THRB: variants seen among roughly 807,000 people sequenced by gnomAD.
The protein encoded by THRB is nuclear receptor subfamily 1 group A member 2.
In THRB, 12 loss-of-function variants were observed where a neutral mutation model predicts 47.8. That is an observed-to-expected ratio of 0.25 (90% CI 0.16 to 0.41). The LOEUF (loss-of-function observed/expected upper bound fraction) is 0.41. Among genes scored for constraint, THRB ranks in the 10% least tolerant of loss-of-function variants. The probability of loss-of-function intolerance (pLI) is 1.00; values close to 1 mark genes in which losing one functional copy is unlikely to be tolerated. For synonymous variants in THRB, 218 were observed against 212.2 expected, an observed-to-expected ratio of 1.03 and a Z score of -0.24; for missense variants, 348 against 589.2, an observed-to-expected ratio of 0.59 and a Z score of 4.24.
intron 1 of THRB, among the ~76,000 whole-genome samples, chr3:24,434,126 A>G (rs547070625): frequency 1.3e-5 from 2 of 152,284 alleles, no homozygotes; most frequent in South Asian, 4.1e-4. Flanking sequence ...TTAACCAGGC[A>G]GTCCTAATTC....
At chr3:24,206,857 A>T (rs1337690718) in intron 4 of THRB, among the ~76,000 whole-genome samples, 1 of 152,240 alleles carries the variant, frequency 6.6e-6, no homozygotes, top group African/African-American at 2.4e-5. Flanking sequence ...CCATCAGAGA[A>T]TACTATAAAA....
At chr3:24,284,508 G>T (rs1322524612) in intron 3 of THRB, among the ~76,000 whole-genome samples, 2 of 151,914 alleles carry the variant, frequency 1.3e-5, no homozygotes, top group East Asian at 3.8e-4. Flanking sequence ...TGCCATTCAG[G>T]ACATAGGCAT....
intron 1 of THRB, among the ~76,000 whole-genome samples, chr3:24,451,229 C>CTTTTT (rs71057674): frequency 5.2e-5 from 5 of 95,348 alleles, no homozygotes; most frequent in East Asian, 2.6e-4. Flanking sequence ...ACTACATGTA[C>CTTTTT]TTTTTTTTTT....
chr3:24,343,682 C>G (rs538476400), intron 1 of THRB, among the ~76,000 whole-genome samples: 2 of 152,094 alleles, frequency 1.3e-5, no homozygotes, highest in South Asian at 2.1e-4. Flanking sequence ...TCTTTCTTTA[C>G]TACTGAATCC....
chr3:24,250,400 C>A (rs989343389), intron 3 of THRB, among the ~76,000 whole-genome samples: 2 of 152,110 alleles, frequency 1.3e-5, no homozygotes, highest in African/African-American at 4.8e-5. Context: ...TAACATAGTA[C>A]TGAAATGTAT....
intron 1 of THRB, among the ~76,000 whole-genome samples, chr3:24,359,358 G>A (rs1269946137): frequency 6.6e-6 from 1 of 152,118 alleles, no homozygotes; most frequent in African/African-American, 2.4e-5. Flanking sequence ...GGAATTTTTA[G>A]ATGGTGACTG....
chr3:24,355,708 G>A (rs959017904), intron 1 of THRB, among the ~76,000 whole-genome samples: 3 of 152,128 alleles, frequency 2.0e-5, no homozygotes, highest in East Asian at 1.9e-4. Context: ...CGCCAAATGG[G>A]CAGTGAGGCT....
chr3:24,331,854 T>C (rs1270666939), intron 2 of THRB, among the ~76,000 whole-genome samples: 1 of 152,142 alleles, frequency 6.6e-6, no homozygotes, highest in Non-Finnish European at 1.5e-5. Flanking sequence ...CAAACTACAG[T>C]ACTCAAAACC....
At chr3:24,191,313 T>G (rs1271324274) in intron 4 of THRB, among the ~76,000 whole-genome samples, 1 of 151,960 alleles carries the variant, frequency 6.6e-6, no homozygotes, top group Non-Finnish European at 1.5e-5. Context: ...ATCCATCTGG[T>G]CATCCATATT....
At chr3:24,323,626 T>A (rs1435879743) in intron 2 of THRB, among the ~76,000 whole-genome samples, 8 of 152,200 alleles carry the variant, frequency 5.3e-5, no homozygotes, top group Admixed American at 4.6e-4. Flanking sequence ...AAACTTTCCA[T>A]GTTCATTGTT....
At chr3:24,223,123 G>A (rs887671486) in intron 4 of THRB, among the ~76,000 whole-genome samples, 8 of 152,174 alleles carry the variant, frequency 5.3e-5, no homozygotes, top group Admixed American at 3.3e-4. Flanking sequence ...CAGTCCTAAG[G>A]CCTGGGGATT....
chr3:24,487,031 A>G (rs1029510097), intron 1 of THRB, among the ~76,000 whole-genome samples: 2 of 152,226 alleles, frequency 1.3e-5, no homozygotes, highest in South Asian at 2.1e-4. Context: ...AAGAAAGTCA[A>G]GGAAAGATTA....
chr3:24,146,636 A>T, intron 7 of THRB, 39 bp downstream of exon 7: 1 of 1,611,154 alleles, frequency 6.2e-7, no homozygotes, highest in Non-Finnish European at 8.5e-7. Flanking sequence ...TTTCCTAATC[A>T]ACATTCCTTG....
intron 2 of THRB, among the ~76,000 whole-genome samples, chr3:24,322,915 G>A (rs1505296): frequency 0.28 from 41,891 of 151,934 alleles, 6,885 homozygotes; most frequent in African/African-American, 0.43. Flanking sequence ...ACACAAACAC[G>A]ATTTGGGTGC....
At position 24,118,973 on chromosome 3, in the gene THRB, G is replaced by GTTTTTTTTTTTTTTTTT. The variant is rs559325556; in HGVS notation, c.*3894_*3910dup. 8.1e-5 allele frequency: 4 copies of GTTTTTTTTTTTTTTTTT among 49,524 alleles called. No homozygotes were observed. The highest frequency in any genetic ancestry group is 1.2e-4 in the Non-Finnish European group (3 of 24,676). 3.1% of individuals were successfully genotyped at this position (49,524 alleles called of 1,614,324 possible). A position where few individuals can be genotyped will look rare whatever the true frequency, so the allele number is the denominator to read the frequency against. Reference sequence around the variant, plus strand: ...GCCAAACCTTTTTTCCCCCAGTCTGGTTTTTTTTTTTTTTTTTTTTTTTTT... The same window carrying GTTTTTTTTTTTTTTTTT: ...GCCAAACCTTTTTTCCCCCAGTCTGGTTTTTTTTTTTTTTTTTTTTTTTTTTTTTTTTTTTTTTTTTT... On this transcript the variant is annotated 3_prime_UTR_variant, in exon 11 of 11. Transcript: ENST00000646209.
intron 3 of THRB, among the ~76,000 whole-genome samples, chr3:24,279,778 A>G (rs1312988096): frequency 1.3e-5 from 2 of 152,160 alleles, no homozygotes; most frequent in South Asian, 4.1e-4. Flanking sequence ...GACAGTAATT[A>G]TAACACTGAA....
intron 4 of THRB, among the ~76,000 whole-genome samples, chr3:24,201,325 T>A (rs1316478646): frequency 6.6e-6 from 1 of 152,118 alleles, no homozygotes; most frequent in Non-Finnish European, 1.5e-5. Context: ...TTGGGTCAGG[T>A]GTGCCCCCTG....
chr3:24,455,106 C>CTTTT (rs71057676), intron 1 of THRB: 3 of 40,694 alleles, frequency 7.4e-5, no homozygotes, highest in South Asian at 1.2e-3. Context: ...TAAGGACTTA[C>CTTTT]TTTTTTTTTT....
intron 5 of THRB, among the ~76,000 whole-genome samples, chr3:24,172,401 G>T (rs1024036476): frequency 6.6e-6 from 1 of 152,106 alleles, no homozygotes; most frequent in Non-Finnish European, 1.5e-5. Flanking sequence ...TTGGGCTCTT[G>T]AATTAAGTCT....
Sources: gnomAD v4.1 joint callset for allele counts (sites outside exome capture counted in the v4.1 genomes callset) on GRCh38, gnomAD v4.1.1 for gene constraint, MANE v1.5 for transcripts, NCBI Gene and HGNC (gene_info 2026-07-23, HGNC 2026-07-21) for gene names.